CUL5: variants seen among roughly 807,000 people sequenced by gnomAD.
The protein encoded by CUL5 is cullin 5.
In CUL5, 26 loss-of-function variants were observed where a neutral mutation model predicts 108.8. The observed-to-expected ratio is 0.24, with a 90% CI of 0.18 to 0.33. CUL5 has a LOEUF of 0.33. Among genes scored for constraint, CUL5 ranks in the 10% least tolerant of loss-of-function variants. The pLI is 1.00. For missense variants in CUL5, 524 were observed against 909.2 expected (o/e 0.58, Z 5.45); for synonymous variants, 334 against 298.0 (o/e 1.12, Z -1.25).
intron 10 of CUL5, chr11:108,073,928 C>G (rs1023693296): frequency 6.5e-6 from 1 of 153,784 alleles, no homozygotes; most frequent in African/African-American, 2.4e-5. Context: ...TTATGTTATA[C>G]TTATCCTTGT....
At chr11:108,091,239 A>G (rs761159529) in intron 13 of CUL5, among the ~76,000 whole-genome samples, 45 of 151,924 alleles carry the variant, frequency 3.0e-4, no homozygotes, top group Non-Finnish European at 6.2e-4. Context: ...TTTAGTAGAG[A>G]CACGGTTTTG....
chr11:108,091,691 T>TCACACACACACACACACACACA (rs1170721478), intron 13 of CUL5, among the ~76,000 whole-genome samples: 1 of 59,764 alleles, frequency 1.7e-5, no homozygotes, highest in African/African-American at 8.0e-5. Flanking sequence ...CCTGTCTCTC[T>TCACACACACACACACACACACA]CACTCACACA....
At chr11:108,055,132 T>C (rs1863340306) in intron 7 of CUL5, among the ~76,000 whole-genome samples, 177 bp downstream of exon 7, 1 of 152,250 alleles carries the variant, frequency 6.6e-6, no homozygotes, top group Non-Finnish European at 1.5e-5. Flanking sequence ...TTAGAACACA[T>C]TGTCCTTTGG....
At chr11:108,088,709 T>A (rs768247635) in intron 12 of CUL5, 50 bp downstream of exon 12, 1 of 1,460,092 alleles carries the variant, frequency 6.8e-7, no homozygotes, top group South Asian at 1.3e-5. Context: ...TACTTTGAAT[T>A]TGTGTTTTGC....
intron 11 of CUL5, among the ~76,000 whole-genome samples, chr11:108,086,208 A>G (rs1306614500): frequency 1.3e-5 from 2 of 152,364 alleles, no homozygotes; most frequent in Admixed American, 6.5e-5. Flanking sequence ...AAATTAAACC[A>G]TTCCTAGGTA....
chr11:108,054,855 G>A lies in CUL5; in HGVS notation c.700-20G>A, dbSNP rs771594093. 2 of 1,603,014 alleles carry A rather than the reference G, an allele frequency of 1.2e-6. No homozygotes were observed. The highest frequency in any genetic ancestry group is 1.7e-6 in the Non-Finnish European group (2 of 1,176,104). On this transcript the variant is annotated intron_variant, in intron 6 of 18. Coordinates refer to ENST00000393094, the MANE Select transcript of CUL5 (RefSeq NM_003478.6). Reference sequence around the variant, plus strand: ...TTCCCTTGATATTCTTAAAATGATTGCTATTTTGCTTCTGGACAGGCAGAT... The same window carrying A: ...TTCCCTTGATATTCTTAAAATGATTACTATTTTGCTTCTGGACAGGCAGAT...
chr11:108,101,911 C>T (rs1030607135), intron 18 of CUL5, among the ~76,000 whole-genome samples: 2 of 152,216 alleles, frequency 1.3e-5, no homozygotes, highest in African/African-American at 4.8e-5. Flanking sequence ...CTCTGAACCC[C>T]TGACATAAAC....
intron 7 of CUL5, among the ~76,000 whole-genome samples, chr11:108,056,479 C>G (rs1457804834): frequency 6.6e-6 from 1 of 151,956 alleles, no homozygotes; most frequent in Non-Finnish European, 1.5e-5. Flanking sequence ...TTTGCTTGTC[C>G]TTGATTTGCA....
intron 1 of CUL5, among the ~76,000 whole-genome samples, chr11:108,033,523 G>A (rs1862647627): frequency 6.6e-6 from 1 of 152,162 alleles, no homozygotes; most frequent in African/African-American, 2.4e-5. Context: ...CTTTCTAAGT[G>A]TCCAGAGATT....
chr11:108,102,620 C>T (rs1864700521), intron 18 of CUL5, among the ~76,000 whole-genome samples: 1 of 152,248 alleles, frequency 6.6e-6, no homozygotes, highest in African/African-American at 2.4e-5. Flanking sequence ...CATGAGCCAC[C>T]CTCCCTGGCT....
chr11:108,009,645 C>T (rs748706467), intron 1 of CUL5, among the ~76,000 whole-genome samples: 3 of 152,188 alleles, frequency 2.0e-5, no homozygotes, highest in Non-Finnish European at 4.4e-5. Flanking sequence ...CCAGCTCTGG[C>T]CGGGAGCGGG....
chr11:108,055,051 C>T, intron 7 of CUL5, 96 bp downstream of exon 7: 1 of 896,320 alleles, frequency 1.1e-6, no homozygotes, highest in Non-Finnish European at 1.7e-6. Flanking sequence ...TATTTAACAA[C>T]CAACATTGTT....
At chr11:108,053,545 T>C (rs1209910986) in intron 5 of CUL5, among the ~76,000 whole-genome samples, 1 of 152,226 alleles carries the variant, frequency 6.6e-6, no homozygotes, top group Non-Finnish European at 1.5e-5. Context: ...AAACTTCACA[T>C]GCAGAGTTTT....
Position 108,009,206 on chromosome 11 carries a change from C to A in CUL5, c.-143C>A. 1 of 790,250 alleles carries A rather than the reference C, an allele frequency of 1.3e-6. No individual in the cohort carries two copies. Among genetic ancestry groups the A allele is most frequent in the Non-Finnish European group, 2.1e-6 (1 of 479,694 alleles). 49.0% of individuals were successfully genotyped at this position (790,250 alleles called of 1,614,324 possible). A position where few individuals can be genotyped will look rare whatever the true frequency, so the allele number is the denominator to read the frequency against. ...GTGCTTGGGACGAGGTCAGCGCTGT[C>A]GGCGCGCTGCTCCAGCGCCCACCAC... On this transcript the variant is annotated 5_prime_UTR_variant, in exon 1 of 19. Coordinates refer to ENST00000393094, the MANE Select transcript of CUL5 (RefSeq NM_003478.6).
chr11:108,055,906 C>T (rs927439549), intron 7 of CUL5, among the ~76,000 whole-genome samples: 1 of 152,154 alleles, frequency 6.6e-6, no homozygotes. Context: ...GTTGGGATTA[C>T]AGGCGTGAGC....
intron 2 of CUL5, among the ~76,000 whole-genome samples, chr11:108,044,136 T>TA (rs1167734616): frequency 6.6e-6 from 1 of 152,190 alleles, no homozygotes; most frequent in Non-Finnish European, 1.5e-5. Context: ...CTGGACCAGA[T>TA]ACCATTATCA....
intron 11 of CUL5, among the ~76,000 whole-genome samples, chr11:108,087,138 C>T (rs1368288984): frequency 6.6e-6 from 1 of 152,000 alleles, no homozygotes; most frequent in Non-Finnish European, 1.5e-5. Flanking sequence ...ATATTCTAGT[C>T]TCATCTACTT....
In CUL5 at chr11:108,078,114, A is replaced by G. The variant is rs1192503044; in HGVS notation, c.1114-62A>G. 141 of 969,578 alleles carry G rather than the reference A, an allele frequency of 1.5e-4. 2 individuals are homozygous for G. In the East Asian group the frequency reaches 3.9e-3, roughly 27 times the overall value. 60.1% of individuals were successfully genotyped at this position (969,578 alleles called of 1,614,324 possible). ...CATATTTTTATGTGTTTTGGGATGT[A>G]TAAAAATTTATCTGTATATTTTCAA... is the stretch of plus-strand genomic sequence containing the variant. On this transcript the variant is annotated intron_variant, in intron 10 of 18. Transcript: ENST00000393094.
intron 18 of CUL5, among the ~76,000 whole-genome samples, chr11:108,100,894 T>C (rs908358302): frequency 3.3e-5 from 5 of 151,968 alleles, no homozygotes; most frequent in Non-Finnish European, 7.4e-5. Context: ...CCAGGTGTAG[T>C]GGTGCATGCC....
Sources: gnomAD v4.1 joint callset for allele counts (sites outside exome capture counted in the v4.1 genomes callset) on GRCh38, gnomAD v4.1.1 for gene constraint, MANE v1.5 for transcripts, NCBI Gene and HGNC (gene_info 2026-07-23, HGNC 2026-07-21) for gene names.